FILIP1: variants seen among roughly 807,000 people sequenced by gnomAD.
FILIP1 encodes the protein filamin A interacting protein 1, also known as filamin-A-interacting protein 1.
FILIP1 carries 61 observed loss-of-function variants against 102.1 expected under a neutral mutation model. The ratio of observed to expected loss-of-function variants is 0.60; its 90% CI spans 0.49 to 0.74. FILIP1 has a LOEUF of 0.74. Among genes scored for constraint, FILIP1 ranks in the 30% least tolerant of loss-of-function variants. The probability of loss-of-function intolerance (pLI) is 0.00; values close to 1 mark genes in which losing one functional copy is unlikely to be tolerated. For missense variants in FILIP1, 1,314 were observed against 1,441.2 expected, an observed-to-expected ratio of 0.91 and a Z score of 1.43; for synonymous variants, 491 against 526.9, an observed-to-expected ratio of 0.93 and a Z score of 0.93.
chr6:75,452,368 T>C (rs947608372), intron 1 of FILIP1, among the ~76,000 whole-genome samples: 59 of 152,136 alleles, frequency 3.9e-4, no homozygotes, highest in African/African-American at 1.4e-3. Context: ...GTTTGGTTTT[T>C]TGTCCTTGCG....
chr6:75,436,197 A>G (rs1778013813), intron 1 of FILIP1, among the ~76,000 whole-genome samples: 1 of 151,962 alleles, frequency 6.6e-6, no homozygotes, highest in South Asian at 2.1e-4. Context: ...ACATGGTGAA[A>G]CCCTGTCTCT....
At chr6:75,490,532 T>C (rs1415412636) in intron 1 of FILIP1, among the ~76,000 whole-genome samples, 3 of 152,140 alleles carry the variant, frequency 2.0e-5, no homozygotes, top group African/African-American at 7.2e-5. Flanking sequence ...AGAGCCATGA[T>C]TTAAATGAAT....
chr6:75,312,840 C>A lies in FILIP1; in HGVS notation c.2992G>T (p.Ala998Ser), dbSNP rs962312690. 6 of 1,614,006 alleles carry A rather than the reference C, an allele frequency of 3.7e-6. No individual in the cohort carries two copies. The Admixed American group carries it at 1.0e-4, about 27-fold the overall frequency. Residue 998 changes from alanine to serine, a missense_variant, in exon 5 of 6, where the codon GCA becomes TCA. Transcript: ENST00000237172. ...REKTPESGRG[A>S]FADRPTSPIQ... is the part of the protein sequence containing the mutation. ...GGGGATGTGGGCCTGTCTGCAAATG[C>A]GCCTCTTCCACTTTCTGGAGTCTTC... is the stretch of plus-strand genomic sequence containing the variant.
chr6:75,448,782 C>T (rs1778522351), intron 1 of FILIP1, among the ~76,000 whole-genome samples: 1 of 152,048 alleles, frequency 6.6e-6, no homozygotes, highest in Non-Finnish European at 1.5e-5. Flanking sequence ...TAAATCAAAA[C>T]CACAGTGTGA....
chr6:75,371,630 A>G (rs904038034), intron 2 of FILIP1, among the ~76,000 whole-genome samples: 1 of 152,238 alleles, frequency 6.6e-6, no homozygotes, highest in African/African-American at 2.4e-5. Flanking sequence ...CAGACATACG[A>G]TCAATGGAAT....
At chr6:75,485,994 C>CGT (rs1554218356) in intron 1 of FILIP1, among the ~76,000 whole-genome samples, 1 of 144,410 alleles carries the variant, frequency 6.9e-6, no homozygotes, top group Admixed American at 6.9e-5. Context: ...CACACACACA[C>CGT]ACATACACAC....
chr6:75,346,007 A>G (rs1774569122), intron 4 of FILIP1, among the ~76,000 whole-genome samples: 1 of 152,194 alleles, frequency 6.6e-6, no homozygotes, highest in African/African-American at 2.4e-5. Flanking sequence ...AAGCCAAGTT[A>G]AGCCCTAAAA....
chr6:75,336,164 C>A (rs1004985819), intron 4 of FILIP1, among the ~76,000 whole-genome samples: 1 of 152,080 alleles, frequency 6.6e-6, no homozygotes, highest in African/African-American at 2.4e-5. Context: ...GAAACTATTG[C>A]CACTGCCTGG....
At chr6:75,336,032 T>C (rs956220746) in intron 4 of FILIP1, among the ~76,000 whole-genome samples, 1 of 152,244 alleles carries the variant, frequency 6.6e-6, no homozygotes, top group African/African-American at 2.4e-5. Context: ...AAAGCAATGT[T>C]CATTGTTAAG....
intron 5 of FILIP1, among the ~76,000 whole-genome samples, chr6:75,309,613 A>G (rs1327409508): frequency 1.3e-5 from 2 of 152,172 alleles, no homozygotes; most frequent in African/African-American, 4.8e-5. Flanking sequence ...AGAAATGCAG[A>G]TCCTTATTCC....
rs192320993 is a variant in FILIP1 at position 75,369,900 on chromosome 6, G to A, written c.277-6983C>T. Among the ~76,000 whole-genome samples, 6 of 152,320 alleles carry A rather than the reference G, an allele frequency of 3.9e-5. No individual in the cohort carries two copies. The East Asian group carries it at 7.7e-4, about 20-fold the overall frequency. On this transcript the variant is annotated intron_variant, in intron 2 of 5. Coordinates refer to ENST00000237172, the MANE Select transcript of FILIP1 (RefSeq NM_015687.5). ...GACGATGTAACCATGACCCCAGCAC[G>A]ATGATCCACTCACTTGGCTGAGAGG...
At chr6:75,353,782 T>G in intron 3 of FILIP1, 65 bp from the exon 4 acceptor site, 1 of 1,523,338 alleles carries the variant, frequency 6.6e-7, no homozygotes, top group Non-Finnish European at 8.9e-7. Flanking sequence ...TCTAAATAAT[T>G]TGTTGACATG....
In FILIP1 at chr6:75,333,619, C is replaced by G. The variant is rs551122634; in HGVS notation, c.630-18417G>C. On this transcript the variant is annotated intron_variant, in intron 4 of 5. Coordinates refer to ENST00000237172, the MANE Select transcript of FILIP1 (RefSeq NM_015687.5). The stretch of plus-strand genomic sequence containing the variant: ...ACAACCAATGTTACACAAATTAAAT[C>G]TACACAAATGAAAACCATACCATCT... Among the ~76,000 whole-genome samples the G allele has an allele frequency of 4.6e-5, 7 of 152,220 alleles. No homozygotes were observed. In the East Asian group the frequency reaches 1.2e-3, roughly 25 times the overall value.
In FILIP1 at chr6:75,441,351, G is replaced by A. The variant is rs1467799210; in HGVS notation, c.-6-26373C>T. 3.9e-5 allele frequency among the ~76,000 whole-genome samples: 6 copies of A among 152,300 alleles called. No homozygotes were observed. In the South Asian group the frequency reaches 1.0e-3, roughly 26 times the overall value. Reference sequence around the variant, plus strand: ...AGGCAAAAGAATTTTTCTTAGTACAGAACAAAATGAAGTCTCCCATGTCTA... The same window carrying A: ...AGGCAAAAGAATTTTTCTTAGTACAAAACAAAATGAAGTCTCCCATGTCTA... On this transcript the variant is annotated intron_variant, in intron 1 of 5. Coordinates refer to ENST00000237172, the MANE Select transcript of FILIP1 (RefSeq NM_015687.5).
In FILIP1 at chr6:75,353,636, G is replaced by T; in HGVS notation, c.532C>A (p.Arg178Ser). 7 of 1,614,136 alleles carry T rather than the reference G, an allele frequency of 4.3e-6. No individual in the cohort carries two copies. The highest frequency in any genetic ancestry group is 5.9e-6 in the Non-Finnish European group (7 of 1,180,026). Residue 178 changes from arginine to serine, a missense_variant, in exon 4 of 6, where the codon CGC becomes AGC. Physicochemically the swap from Arg to Ser is moderately radical, Grantham distance 110 (BLOSUM62 -1). Coordinates refer to ENST00000237172, the MANE Select transcript of FILIP1 (RefSeq NM_015687.5). The part of the protein sequence containing the change: ...QLLLAEKCHR[R>S]TVYELENEKH... ...TCGTTCTCTAACTCGTATACGGTGCGCCTATGACACTTCTCGGCCAGCAAC... is the reference window on the plus strand; with the variant it reads ...TCGTTCTCTAACTCGTATACGGTGCTCCTATGACACTTCTCGGCCAGCAAC...
intron 4 of FILIP1, among the ~76,000 whole-genome samples, chr6:75,331,405 A>G (rs1774076088): frequency 1.3e-5 from 2 of 152,354 alleles, no homozygotes; most frequent in Admixed American, 6.5e-5. Context: ...GAATATAACC[A>G]TGATTCATTA....
chr6:75,436,367 GA>G (rs1055766327), intron 1 of FILIP1, among the ~76,000 whole-genome samples: 68 of 146,968 alleles, frequency 4.6e-4, no homozygotes, highest in East Asian at 1.4e-3. Flanking sequence ...CCTGTCTCAG[GA>G]AAAAAAAAAA....
At chr6:75,400,605 C>T (rs1582449262) in intron 2 of FILIP1, among the ~76,000 whole-genome samples, 1 of 152,044 alleles carries the variant, frequency 6.6e-6, no homozygotes, top group East Asian at 1.9e-4. Flanking sequence ...AGGGACCTTT[C>T]TGATAATAAT....
intron 2 of FILIP1, among the ~76,000 whole-genome samples, chr6:75,408,677 G>T (rs1329761099): frequency 6.6e-6 from 1 of 152,180 alleles, no homozygotes; most frequent in Non-Finnish European, 1.5e-5. Flanking sequence ...GAGAAAATTG[G>T]CATGACAAGC....
Sources: allele counts gnomAD v4.1 joint callset (sites outside exome capture counted in the v4.1 genomes callset), GRCh38; gene constraint gnomAD v4.1.1; transcripts MANE v1.5; gene names NCBI Gene and HGNC (gene_info 2026-07-23, HGNC 2026-07-21).